GOT2: variants seen among roughly 807,000 people sequenced by gnomAD.
The protein encoded by GOT2 is aspartate aminotransferase, mitochondrial.
GOT2 carries 17 observed loss-of-function variants against 50.0 expected under a neutral mutation model. The ratio of observed to expected loss-of-function variants is 0.34; its 90% CI spans 0.23 to 0.51. The LOEUF (loss-of-function observed/expected upper bound fraction) is 0.51, where lower values mean the gene tolerates loss of function less well. Ranked by LOEUF, GOT2 falls within the 20% of genes least tolerant of loss-of-function variation. The probability of loss-of-function intolerance (pLI) is 0.97; values close to 1 mark genes in which losing one functional copy is unlikely to be tolerated. For synonymous variants in GOT2, 172 were observed against 204.9 expected (o/e 0.84, Z 1.37); for missense variants, 430 against 559.6 (o/e 0.77, Z 2.34).
At chr16:58,726,342 T>G (rs373406133) in intron 1 of GOT2, among the ~76,000 whole-genome samples, 9 of 152,022 alleles carry the variant, frequency 5.9e-5, no homozygotes, top group Middle Eastern at 3.4e-3. Context: ...CCTGCCACCA[T>G]GCGCAGCTAA....
intron 7 of GOT2, 24 bp from the exon 8 acceptor site, chr16:58,716,203 TCTTCTA>T (rs748241199): frequency 3.4e-5 from 54 of 1,606,078 alleles, no homozygotes; most frequent in African/African-American, 2.7e-5. Flanking sequence ...ATGGATCTCG[TCTTCTA>T]CTTCTACTAT....
At chr16:58,726,306 C>T (rs976625375) in intron 1 of GOT2, among the ~76,000 whole-genome samples, 1 of 152,134 alleles carries the variant, frequency 6.6e-6, no homozygotes, top group African/African-American at 2.4e-5. Flanking sequence ...CTGCCTCAGC[C>T]TCCCAAGTAG....
At position 58,718,286 on chromosome 16, in the gene GOT2, C is replaced by T; in HGVS notation, c.612G>A (p.Gln204=). Residue 204 remains glutamine (Q), a synonymous_variant, in exon 6 of 10, where the codon CAG becomes CAA. Transcript: ENST00000245206. The part of the protein sequence containing the change: ...AVEDISKIPE[Q]SVLLLHACAH... ...CGCAGGCATGCAGAAGAAGAACACT[C>T]TGCTCTGGTATTTTCTAAAGAGAAA... 1.2e-6 allele frequency: 2 copies of T among 1,613,702 alleles called. No homozygotes were observed. The highest frequency in any genetic ancestry group is 1.7e-6 in the Non-Finnish European group (2 of 1,179,560).
intron 1 of GOT2, 134 bp from the exon 2 acceptor site, chr16:58,724,036 G>A (rs767256468): frequency 1.6e-4 from 105 of 668,640 alleles, no homozygotes; most frequent in Non-Finnish European, 2.3e-4. Flanking sequence ...TCACTGCAGC[G>A]TTTGCCTCCT....
chr16:58,716,323 C>A, intron 7 of GOT2, 144 bp from the exon 8 acceptor site: 1 of 792,878 alleles, frequency 1.3e-6, no homozygotes, highest in Admixed American at 3.2e-5. Flanking sequence ...TTTCAACAAC[C>A]AGAGTGGTGA....
intron 9 of GOT2, chr16:58,709,183 G>A (rs1488208248): frequency 7.7e-6 from 3 of 388,470 alleles, no homozygotes; most frequent in Non-Finnish European, 1.4e-5. Flanking sequence ...GATCACTTAA[G>A]CCCTGGGAGG....
intron 2 of GOT2, 57 bp downstream of exon 2, chr16:58,723,689 C>A: frequency 6.9e-7 from 1 of 1,438,946 alleles, no homozygotes; most frequent in South Asian, 1.2e-5. Context: ...CTGCCACTCT[C>A]CAGGGCTCTC....
intron 1 of GOT2, among the ~76,000 whole-genome samples, chr16:58,728,740 G>A (rs538337500): frequency 6.6e-6 from 1 of 152,134 alleles, no homozygotes; most frequent in African/African-American, 2.4e-5. Context: ...AACTGTAGTG[G>A]CACGATCTCA....
intron 4 of GOT2, 58 bp from the exon 5 acceptor site, chr16:58,718,746 T>C: frequency 1.4e-6 from 2 of 1,388,932 alleles, no homozygotes; most frequent in Non-Finnish European, 9.8e-7. Context: ...AAAAAAATGT[T>C]GATGTGTTTT....
At chr16:58,729,322 T>A (rs559554209) in intron 1 of GOT2, among the ~76,000 whole-genome samples, 1 of 147,062 alleles carries the variant, frequency 6.8e-6, no homozygotes, top group Admixed American at 7.0e-5. Context: ...GTCAAGGACA[T>A]ACTAGATTAT....
At chr16:58,725,592 C>T (rs1158980237) in intron 1 of GOT2, among the ~76,000 whole-genome samples, 2 of 152,224 alleles carry the variant, frequency 1.3e-5, no homozygotes, top group East Asian at 3.9e-4. Flanking sequence ...TTTACATGCT[C>T]GAGAGGCTAT....
chr16:58,713,471 T>G (rs555360054), intron 8 of GOT2, among the ~76,000 whole-genome samples: 5 of 152,032 alleles, frequency 3.3e-5, no homozygotes, highest in African/African-American at 1.2e-4. Flanking sequence ...AGACCTTGTC[T>G]TTATAAAAAA....
At chr16:58,725,804 A>G (rs2044778771) in intron 1 of GOT2, among the ~76,000 whole-genome samples, 1 of 152,230 alleles carries the variant, frequency 6.6e-6, no homozygotes, top group African/African-American at 2.4e-5. Context: ...GTTAAAAGAT[A>G]AGCAATGAGT....
intron 6 of GOT2, 71 bp downstream of exon 6, chr16:58,718,125 C>A: frequency 9.6e-7 from 1 of 1,041,836 alleles, no homozygotes; most frequent in Non-Finnish European, 1.5e-6. Context: ...TCTGTTGAGA[C>A]ATTGCCAAAT....
intron 1 of GOT2, among the ~76,000 whole-genome samples, chr16:58,725,428 C>G (rs12600277): frequency 0.096 from 14,559 of 152,106 alleles, 1,486 homozygotes; most frequent in East Asian, 0.36. Context: ...AAGACAATTT[C>G]TAAGATCTTT....
intron 1 of GOT2, among the ~76,000 whole-genome samples, chr16:58,724,368 T>G (rs1369267364): frequency 1.3e-5 from 2 of 152,024 alleles, no homozygotes; most frequent in South Asian, 4.2e-4. Flanking sequence ...CTGCAGTCTC[T>G]GCCTCCAGGG....
intron 7 of GOT2, 181 bp downstream of exon 7, chr16:58,716,482 T>C: frequency 1.6e-6 from 1 of 640,818 alleles, no homozygotes; most frequent in South Asian, 2.1e-5. Context: ...CACCGAAGAA[T>C]ATATGGCTAA....
intron 8 of GOT2, among the ~76,000 whole-genome samples, chr16:58,713,491 A>AAAAAC (rs961302125): frequency 9.2e-5 from 14 of 152,064 alleles, no homozygotes; most frequent in South Asian, 4.2e-4. Context: ...ATCAAAAGGA[A>AAAAAC]AAAACAAAAC....
intron 9 of GOT2, 141 bp from the exon 10 acceptor site, chr16:58,708,434 A>C: frequency 1.3e-6 from 1 of 766,012 alleles, no homozygotes; most frequent in Non-Finnish European, 2.0e-6. Context: ...GCTTGGAATA[A>C]AATAAGAATA....
Sources: allele counts gnomAD v4.1 joint callset (sites outside exome capture counted in the v4.1 genomes callset), GRCh38; gene constraint gnomAD v4.1.1; transcripts MANE v1.5; gene names NCBI Gene and HGNC (gene_info 2026-07-23, HGNC 2026-07-21).